NRXN3: variants seen among roughly 807,000 people sequenced by gnomAD.
The protein encoded by NRXN3 is neurexin 3, also known as neurexin III.
In NRXN3, 32 loss-of-function variants were observed where a neutral mutation model predicts 137.6. That is an observed-to-expected ratio of 0.23 (90% CI 0.18 to 0.31). The LOEUF (loss-of-function observed/expected upper bound fraction) is 0.31. NRXN3 is among the 10% of genes least tolerant of loss of function. The pLI is 1.00. For synonymous variants in NRXN3, 798 were observed against 784.5 expected (o/e 1.02, Z -0.29); for missense variants, 1,574 against 2,062.5 (o/e 0.76, Z 4.59).
intron 16 of NRXN3, among the ~76,000 whole-genome samples, chr14:79,605,188 C>T (rs916367147): frequency 7.2e-5 from 11 of 152,170 alleles, no homozygotes; most frequent in African/African-American, 2.2e-4. Flanking sequence ...ATGACCTACA[C>T]ATATGCATGT....
At chr14:78,691,038 A>C (rs1272892554) in intron 6 of NRXN3, among the ~76,000 whole-genome samples, 16 of 152,198 alleles carry the variant, frequency 1.1e-4, no homozygotes, top group Admixed American at 6.5e-4. Flanking sequence ...AATGAGTCTG[A>C]AAATGAGAGG....
intron 1 of NRXN3, among the ~76,000 whole-genome samples, chr14:78,177,192 G>A (rs938317194): frequency 1.1e-4 from 17 of 152,244 alleles, no homozygotes; most frequent in Admixed American, 3.9e-4. Flanking sequence ...TCTTTCTCAC[G>A]AAGGGAAGCA....
chr14:78,831,075 T>TA (rs2098980235), intron 10 of NRXN3, among the ~76,000 whole-genome samples: 1 of 152,162 alleles, frequency 6.6e-6, no homozygotes, highest in South Asian at 2.1e-4. Context: ...GCTGATGACT[T>TA]TACTAAGTGA....
chr14:78,847,068 G>A (rs1295108819), intron 10 of NRXN3, among the ~76,000 whole-genome samples: 2 of 152,058 alleles, frequency 1.3e-5, no homozygotes, highest in Non-Finnish European at 2.9e-5. Flanking sequence ...AAATAGGTAA[G>A]GTAATCTTTT....
chr14:79,373,868 A>C (rs2197988), intron 15 of NRXN3, among the ~76,000 whole-genome samples: 1 of 151,892 alleles, frequency 6.6e-6, no homozygotes, highest in Non-Finnish European at 1.5e-5. Context: ...TTTTTTTCAA[A>C]TTAATTCTAA....
chr14:78,583,997 C>T (rs748647694), intron 4 of NRXN3, among the ~76,000 whole-genome samples: 2 of 152,126 alleles, frequency 1.3e-5, no homozygotes, highest in African/African-American at 2.4e-5. Flanking sequence ...TTCAGTAATC[C>T]GGTAAAGCTA....
At chr14:78,838,654 A>T (rs986997930) in intron 10 of NRXN3, among the ~76,000 whole-genome samples, 4 of 152,232 alleles carry the variant, frequency 2.6e-5, no homozygotes, top group Non-Finnish European at 5.9e-5. Context: ...ATCAATCTCC[A>T]TTAGGATCAC....
chr14:78,554,063 G>A (rs1416886946), intron 4 of NRXN3, among the ~76,000 whole-genome samples: 1 of 152,150 alleles, frequency 6.6e-6, no homozygotes, highest in Non-Finnish European at 1.5e-5. Flanking sequence ...GTAAGTGGGT[G>A]GCAGAGAGTA....
chr14:79,740,034 G>C (rs558171808), intron 19 of NRXN3, among the ~76,000 whole-genome samples: 80 of 152,218 alleles, frequency 5.3e-4, no homozygotes, highest in African/African-American at 1.9e-3. Flanking sequence ...CTCACTGGAT[G>C]AAACAGTTTC....
chr14:78,893,453 GA>G (rs2099165048), intron 10 of NRXN3, among the ~76,000 whole-genome samples: 1 of 151,932 alleles, frequency 6.6e-6, no homozygotes, highest in African/African-American at 2.4e-5. Context: ...TGAAGAAGGT[GA>G]AAGTCAATTG....
chr14:78,250,632 T>C (rs927268663), intron 2 of NRXN3, among the ~76,000 whole-genome samples: 3 of 152,164 alleles, frequency 2.0e-5, no homozygotes, highest in African/African-American at 7.2e-5. Flanking sequence ...AGCCACCCAG[T>C]GAGGCAGGTA....
chr14:78,397,495 T>G (rs984074044), intron 4 of NRXN3, among the ~76,000 whole-genome samples: 2 of 150,980 alleles, frequency 1.3e-5, no homozygotes, highest in Non-Finnish European at 3.0e-5. Flanking sequence ...AGTTATTCTG[T>G]TTTTTTTTCC....
chr14:79,754,599 C>T (rs1435214239), intron 19 of NRXN3, among the ~76,000 whole-genome samples: 3 of 140,772 alleles, frequency 2.1e-5, no homozygotes, highest in African/African-American at 8.0e-5. Context: ...CATATATATA[C>T]ACACACATAC....
chr14:78,243,140 TCCTGCTGGGGTC>T lies in NRXN3; in HGVS notation c.58_69del (p.Ser20_Gly23del). Reference sequence around the variant, plus strand: ...GTTTTCTTCACCCTGAAGGTCAGCATCCTGCTGGGGTCCCTGCTGGGGCTCTGCCTGGGCCTT... The same window carrying T: ...GTTTTCTTCACCCTGAAGGTCAGCATCCTGCTGGGGCTCTGCCTGGGCCTT... On this transcript the variant is annotated inframe_deletion, in exon 2 of 21. Transcript: ENST00000335750. The surrounding 1 kb of genome is among the most constrained non-coding windows in gnomAD (Gnocchi z 4.2). The T allele has an allele frequency of 6.5e-7, 1 of 1,545,460 alleles. No homozygotes were observed. Among genetic ancestry groups the T allele is most frequent in the African/African-American group, 1.4e-5 (1 of 73,488 alleles).
At chr14:79,448,335 A>G (rs2096102027) in intron 15 of NRXN3, among the ~76,000 whole-genome samples, 1 of 152,150 alleles carries the variant, frequency 6.6e-6, no homozygotes, top group South Asian at 2.1e-4. Flanking sequence ...CCCCATCATG[A>G]CTACCCCTTG....
intron 15 of NRXN3, among the ~76,000 whole-genome samples, chr14:79,411,006 A>T (rs549149659): frequency 6.6e-6 from 1 of 152,224 alleles, no homozygotes; most frequent in South Asian, 2.1e-4. Context: ...AGGGCTACCC[A>T]TCTATTAAGT....
chr14:78,233,258 G>T (rs1284769900), intron 1 of NRXN3, among the ~76,000 whole-genome samples: 3 of 152,122 alleles, frequency 2.0e-5, no homozygotes, highest in African/African-American at 7.2e-5. Flanking sequence ...AGATCCAGAG[G>T]TATCCATATG....
chr14:78,858,236 A>G (rs2099062868), intron 10 of NRXN3, among the ~76,000 whole-genome samples: 1 of 152,142 alleles, frequency 6.6e-6, no homozygotes, highest in African/African-American at 2.4e-5. Context: ...ATGACAAGGC[A>G]ACCCTTGACT....
chr14:78,861,163 A>T (rs2099071339), intron 10 of NRXN3, among the ~76,000 whole-genome samples: 1 of 152,200 alleles, frequency 6.6e-6, no homozygotes, highest in Non-Finnish European at 1.5e-5. Flanking sequence ...TATGGAAGGT[A>T]ATCACAACAG....
Sources: allele counts gnomAD v4.1 joint callset (sites outside exome capture counted in the v4.1 genomes callset), GRCh38; gene constraint gnomAD v4.1.1; non-coding constraint Gnocchi (gnomAD v3.1); transcripts MANE v1.5; gene names NCBI Gene and HGNC (gene_info 2026-07-23, HGNC 2026-07-21).